The following DLGAP2 variants were observed in gnomAD, a reference collection of about 807,000 sequenced individuals.
The protein encoded by DLGAP2 is disks large-associated protein 2.
Under a neutral mutation model 100.3 loss-of-function variants are expected in DLGAP2, and 26 were observed. That is an observed-to-expected ratio of 0.26 (90% CI 0.19 to 0.36). The LOEUF (loss-of-function observed/expected upper bound fraction) is 0.36. DLGAP2 is among the 10% of genes least tolerant of loss of function. The pLI is 1.00. For missense variants in DLGAP2, 1,858 were observed against 1,453.2 expected (o/e 1.28, Z -4.53); for synonymous variants, 886 against 630.1 (o/e 1.41, Z -6.08).
chr8:1,557,733 C>G (rs753210332), intron 5 of DLGAP2, among the ~76,000 whole-genome samples: 6 of 152,194 alleles, frequency 3.9e-5, no homozygotes, highest in African/African-American at 4.8e-5. Context: ...ACGCAGACGC[C>G]GTCCTCTCCC....
chr8:1,202,147 C>T (rs1186327234), intron 2 of DLGAP2, among the ~76,000 whole-genome samples: 1 of 146,210 alleles, frequency 6.8e-6, no homozygotes, highest in Admixed American at 6.6e-5. Context: ...TGTGTATACA[C>T]ATGTGGTGTG....
At chr8:980,380 G>A (rs990457988) in intron 2 of DLGAP2, among the ~76,000 whole-genome samples, 10 of 152,210 alleles carry the variant, frequency 6.6e-5, no homozygotes, top group African/African-American at 1.4e-4. Flanking sequence ...TCAGCAGTGC[G>A]TAGGGATAGA....
At chr8:1,197,313 A>G (rs1237455210) in intron 2 of DLGAP2, among the ~76,000 whole-genome samples, 1 of 151,650 alleles carries the variant, frequency 6.6e-6, no homozygotes, top group East Asian at 1.9e-4. Context: ...ATGCTGACAC[A>G]GAATTCACCA....
At chr8:768,894 G>A (rs1201234604) in intron 1 of DLGAP2, among the ~76,000 whole-genome samples, 1 of 152,192 alleles carries the variant, frequency 6.6e-6, no homozygotes, top group Non-Finnish European at 1.5e-5. Context: ...AACGCAGTCT[G>A]TGTGGGGCTG....
intron 2 of DLGAP2, chr8:1,250,634 C>T (rs79106534): frequency 1.1e-4 from 16 of 152,124 alleles, no homozygotes; most frequent in Admixed American, 6.5e-5. Flanking sequence ...CCCTCCCTGT[C>T]TGTGCATCTG....
intron 3 of DLGAP2, among the ~76,000 whole-genome samples, chr8:1,494,025 G>C (rs1799470277): frequency 7.1e-6 from 1 of 141,756 alleles, no homozygotes; most frequent in Non-Finnish European, 1.5e-5. Flanking sequence ...CAGGGCCCCT[G>C]CCCTCCCATT....
intron 4 of DLGAP2, among the ~76,000 whole-genome samples, chr8:1,539,521 G>A (rs1801280360): frequency 6.6e-6 from 1 of 152,114 alleles, no homozygotes; most frequent in Non-Finnish European, 1.5e-5. Flanking sequence ...GAAGCGCGAC[G>A]CAGAGTGGAC....
intron 2 of DLGAP2, among the ~76,000 whole-genome samples, chr8:1,089,963 G>C (rs1195687095): frequency 1.3e-5 from 2 of 152,182 alleles, no homozygotes; most frequent in African/African-American, 4.8e-5. Context: ...AAGTGACTTG[G>C]GGGGCTGTGG....
intron 8 of DLGAP2, among the ~76,000 whole-genome samples, chr8:1,663,994 A>G (rs1177436007): frequency 3.3e-5 from 5 of 152,220 alleles, no homozygotes; most frequent in African/African-American, 1.2e-4. Flanking sequence ...CGCTGGGGAA[A>G]TCCAAGTAAA....
chr8:1,033,129 C>T (rs1161527734), intron 2 of DLGAP2, among the ~76,000 whole-genome samples: 1 of 152,128 alleles, frequency 6.6e-6, no homozygotes, highest in Non-Finnish European at 1.5e-5. Flanking sequence ...CCCCCCATCC[C>T]TCTCTGTCTC....
intron 6 of DLGAP2, among the ~76,000 whole-genome samples, chr8:1,592,142 G>A (rs1452564187): frequency 2.0e-5 from 3 of 152,162 alleles, no homozygotes; most frequent in African/African-American, 7.2e-5. Flanking sequence ...CCCAGCACAC[G>A]CCCGCCCAGG....
At chr8:859,646 C>T (rs1476664230) in intron 1 of DLGAP2, among the ~76,000 whole-genome samples, 1 of 152,158 alleles carries the variant, frequency 6.6e-6, no homozygotes, top group Non-Finnish European at 1.5e-5. Flanking sequence ...TGTCTCAGCA[C>T]CAGGCCTCTG....
At chr8:1,366,284 A>C (rs531880931) in intron 3 of DLGAP2, among the ~76,000 whole-genome samples, 29 of 152,200 alleles carry the variant, frequency 1.9e-4, no homozygotes, top group Non-Finnish European at 4.1e-4. Context: ...TACTATAGCC[A>C]GTGCTAAGGA....
In DLGAP2 at chr8:1,706,208, G is replaced by A. The variant is rs1286550995; in HGVS notation, c.*4802G>A. 1 of 152,240 alleles carries A rather than the reference G, an allele frequency of 6.6e-6. No homozygotes were observed. The highest frequency in any genetic ancestry group is 6.5e-5 in the Admixed American group (1 of 15,292). The allele number at this position is 152,240 out of a possible 1,614,324, so 9.4% of individuals were successfully genotyped here. On this transcript the variant is annotated 3_prime_UTR_variant, in exon 15 of 15. Transcript: ENST00000637795. ...ATTGCTAGGAATCTCTAGGCTGTTA[G>A]GCAACCTGGCTTTTATTCATCCTCA...
At chr8:1,267,448 C>G (rs563570329) in intron 3 of DLGAP2, among the ~76,000 whole-genome samples, 1 of 148,662 alleles carries the variant, frequency 6.7e-6, no homozygotes, top group Non-Finnish European at 1.5e-5. Flanking sequence ...CGCCTGTAAC[C>G]CCAGCTAATT....
chr8:1,079,447 TAA>T lies in DLGAP2; in HGVS notation c.73+171483_73+171484del, dbSNP rs140086519. Among the ~76,000 whole-genome samples, 5 of 152,318 alleles carry T rather than the reference TAA, an allele frequency of 3.3e-5. No individual in the cohort carries two copies. In the East Asian group the frequency reaches 9.7e-4, roughly 29 times the overall value. ...GTTTAAACTATTTTTCAAAAAAAAT[TAA>T]AGTCAGATTAGCAGCCTTTATTGGT... On this transcript the variant is annotated intron_variant, in intron 2 of 14. Coordinates refer to ENST00000637795, the MANE Select transcript of DLGAP2 (RefSeq NM_001346810.2).
At chr8:1,054,250 G>A (rs1048367665) in intron 2 of DLGAP2, among the ~76,000 whole-genome samples, 7 of 151,782 alleles carry the variant, frequency 4.6e-5, no homozygotes, top group Middle Eastern at 3.4e-3. Flanking sequence ...GTACACACAC[G>A]TACACACACG....
At chr8:741,327 A>C (rs1331960512) in intron 1 of DLGAP2, among the ~76,000 whole-genome samples, 1 of 152,220 alleles carries the variant, frequency 6.6e-6, no homozygotes, top group African/African-American at 2.4e-5. Context: ...GTAACAAATT[A>C]ATCTCCTCAG....
At chr8:1,614,323 AC>A (rs1797079232) in intron 6 of DLGAP2, among the ~76,000 whole-genome samples, 1 of 152,212 alleles carries the variant, frequency 6.6e-6, no homozygotes, top group Non-Finnish European at 1.5e-5. Context: ...GGTGAATCTC[AC>A]CTCAGAACTG....
Sources: allele counts gnomAD v4.1 joint callset (sites outside exome capture counted in the v4.1 genomes callset), GRCh38; gene constraint gnomAD v4.1.1; transcripts MANE v1.5; gene names NCBI Gene and HGNC (gene_info 2026-07-23, HGNC 2026-07-21).